The following ZNF341 variants were observed in gnomAD, a reference collection of about 807,000 sequenced individuals.
ZNF341 encodes zinc finger protein 341.
Under a neutral mutation model 87.7 loss-of-function variants are expected in ZNF341, and 52 were observed. The ratio of observed to expected loss-of-function variants is 0.59; its 90% CI spans 0.47 to 0.75. The LOEUF (loss-of-function observed/expected upper bound fraction) is 0.75, where lower values mean the gene tolerates loss of function less well. Among genes scored for constraint, ZNF341 ranks in the 30% least tolerant of loss-of-function variants. The probability of loss-of-function intolerance (pLI) is 0.00; values close to 1 mark genes in which losing one functional copy is unlikely to be tolerated. For synonymous variants in ZNF341, 459 were observed against 472.7 expected (o/e 0.97, Z 0.38); for missense variants, 977 against 1,145.9 (o/e 0.85, Z 2.13).
intron 9 of ZNF341, among the ~76,000 whole-genome samples, chr20:33,769,870 C>G (rs1353851428): frequency 6.6e-6 from 1 of 152,202 alleles, no homozygotes; most frequent in East Asian, 1.9e-4. Context: ...GAGATTGTAC[C>G]ACTGCACTCC....
Position 33,743,647 on chromosome 20 carries a change from G to A in ZNF341, c.143-1456G>A, listed in dbSNP as rs6059446. On this transcript the variant is annotated intron_variant, in intron 2 of 14. Coordinates refer to ENST00000375200, the MANE Select transcript of ZNF341 (RefSeq NM_001282933.2). ...AGTGAGCCACCTCGCCTGGCAACCCGTCTCTTAAAAAAATAAATAAATAAA... is the reference window on the plus strand; with the variant it reads ...AGTGAGCCACCTCGCCTGGCAACCCATCTCTTAAAAAAATAAATAAATAAA... Among the ~76,000 whole-genome samples the A allele has an allele frequency of 2.6e-3, 402 of 151,906 alleles. 5 individuals are homozygous for A. Among genetic ancestry groups the A allele is most frequent in the African/African-American group, 9.4e-3 (389 of 41,446 alleles).
In ZNF341 at chr20:33,766,870, G is replaced by A. The variant is rs149946526; in HGVS notation, c.1242G>A (p.Pro414=). The part of the protein sequence containing the change: ...EESTGLGQPL[P]GAPQPQALST... ...CCACAGGGTTGGGCCAGCCCCTGCCGGGTGCGCCACAGCCCCAGGCCTTGT... is the reference window on the plus strand; with the variant it reads ...CCACAGGGTTGGGCCAGCCCCTGCCAGGTGCGCCACAGCCCCAGGCCTTGT... The change falls in exon 9 of 15, where the codon CCG becomes CCA. Residue 414 remains proline, a synonymous_variant. Coordinates refer to ENST00000375200, the MANE Select transcript of ZNF341 (RefSeq NM_001282933.2). The A allele has an allele frequency of 9.6e-5, 154 of 1,612,050 alleles. No individual in the cohort carries two copies. The African/African-American group carries it at 1.7e-3, about 17-fold the overall frequency.
intron 4 of ZNF341, among the ~76,000 whole-genome samples, chr20:33,751,854 C>T (rs2122660298): frequency 6.6e-6 from 1 of 152,232 alleles, no homozygotes; most frequent in Non-Finnish European, 1.5e-5. Flanking sequence ...CAGGTGTTAG[C>T]CGCTGCACCA....
chr20:33,732,490 C>T lies in ZNF341; in HGVS notation c.31+438C>T, dbSNP rs1160143289. On this transcript the variant is annotated intron_variant, in intron 1 of 14. Coordinates refer to ENST00000375200, the MANE Select transcript of ZNF341 (RefSeq NM_001282933.2). This position sits in a 1 kb window ranked among gnomAD's most constrained non-coding sequence, Gnocchi z 4.5. ...GCGGCCTGACCACGAAGAACTTCTGCGGAGCGGACTGTATGCCTCGTGCTA... is the reference window on the plus strand; with the variant it reads ...GCGGCCTGACCACGAAGAACTTCTGTGGAGCGGACTGTATGCCTCGTGCTA... Among the ~76,000 whole-genome samples, 1 of 152,196 alleles carries T rather than the reference C, an allele frequency of 6.6e-6. No homozygotes were observed. Among genetic ancestry groups the T allele is most frequent in the Non-Finnish European group, 1.5e-5 (1 of 68,020 alleles).
chr20:33,767,804 A>G (rs2019439561), intron 9 of ZNF341, among the ~76,000 whole-genome samples: 1 of 152,172 alleles, frequency 6.6e-6, no homozygotes, highest in Non-Finnish European at 1.5e-5. Context: ...AAGAAATTCA[A>G]AGAAGAAATC....
intron 13 of ZNF341, among the ~76,000 whole-genome samples, chr20:33,789,304 A>G (rs2019946407): frequency 6.6e-6 from 1 of 151,874 alleles, no homozygotes; most frequent in Admixed American, 6.6e-5. Flanking sequence ...CGGCCTCCCA[A>G]AGTGCTGAGA....
chr20:33,776,511 T>C (rs2626561), intron 10 of ZNF341, among the ~76,000 whole-genome samples: 100,915 of 151,910 alleles, frequency 0.66, 35,618 homozygotes, highest in East Asian at 0.94. Flanking sequence ...CTCAGCCTCC[T>C]GAGTAGCTGG....
intron 1 of ZNF341, among the ~76,000 whole-genome samples, chr20:33,733,942 C>T (rs2747545): frequency 0.024 from 3,710 of 152,300 alleles, 154 homozygotes; most frequent in African/African-American, 0.084. Flanking sequence ...TCAGGAAGGC[C>T]GAGGTCAGTG....
intron 5 of ZNF341, 33 bp downstream of exon 5, chr20:33,753,456 T>A (rs1187029734): frequency 1.3e-6 from 2 of 1,544,604 alleles, no homozygotes; most frequent in South Asian, 1.2e-5. Flanking sequence ...AAGAGGACAC[T>A]GGTCATGGAC....
At chr20:33,776,919 C>T (rs1000599729) in intron 10 of ZNF341, among the ~76,000 whole-genome samples, 1 of 152,094 alleles carries the variant, frequency 6.6e-6, no homozygotes, top group Admixed American at 6.6e-5. Context: ...CTGGCCTTCC[C>T]AAAGTGCTGG....
At chr20:33,740,837 G>T in intron 1 of ZNF341, 65 bp from the exon 2 acceptor site, 2 of 1,493,538 alleles carry the variant, frequency 1.3e-6, no homozygotes, top group East Asian at 2.3e-5. Flanking sequence ...GGTCTGGCTT[G>T]TAAGGGTGAT....
rs1314980725 is a variant in ZNF341 at position 33,732,010 on chromosome 20, G to A, written c.-12G>A. 1.4e-6 allele frequency: 2 copies of A among 1,434,578 alleles called. No individual in the cohort carries two copies. The highest frequency in any genetic ancestry group is 1.5e-5 in the African/African-American group (1 of 66,932). 88.9% of individuals were successfully genotyped at this position (1,434,578 alleles called of 1,614,324 possible). A position where few individuals can be genotyped will look rare whatever the true frequency, so the allele number is the denominator to read the frequency against. ...CTTCGGTTCCTGTGGCGGCGACGGC[G>A]GCGGCTCCAAGATGGCGCAGGCGAT... is the stretch of plus-strand genomic sequence containing the variant. On this transcript the variant is annotated 5_prime_UTR_variant, in exon 1 of 15. Transcript: ENST00000375200. The surrounding 1 kb of genome is among the most constrained non-coding windows in gnomAD (Gnocchi z 4.5).
rs750736115 is a variant in ZNF341 at position 33,791,461 on chromosome 20, G to A, written c.2509G>A (p.Ala837Thr). ...GGCTCTGGCGGAGCTGCAGGCTGGG[G>A]CCGAGGGCCCATGTGCCATGCTCGC... ...NLALAELQAG[A>T]EGPCAMLAVP... Residue 837 changes from alanine (A) to threonine (T), a missense_variant, in exon 15 of 15, where the codon GCC becomes ACC. Around this residue, in one of 3 missense-constraint regions of ZNF341, gnomAD observed 221 missense variants for 212.7 expected, o/e 1.04. Coordinates refer to ENST00000375200, the MANE Select transcript of ZNF341 (RefSeq NM_001282933.2). 32 of 1,602,114 alleles carry A rather than the reference G, an allele frequency of 2.0e-5. No individual in the cohort carries two copies. Among genetic ancestry groups the A allele is most frequent in the African/African-American group, 1.9e-4 (14 of 74,868 alleles).
chr20:33,754,965 C>A (rs570500328), intron 5 of ZNF341, among the ~76,000 whole-genome samples: 1 of 152,276 alleles, frequency 6.6e-6, no homozygotes, highest in South Asian at 2.1e-4. Flanking sequence ...TTATTTGAGA[C>A]AGAGTCTCAC....
Position 33,777,456 on chromosome 20 carries a change from G to A in ZNF341, c.1623-3835G>A, listed in dbSNP as rs187002318. ...TCGAGACCAGCCTGGCCAACATGGC[G>A]AAATGCCGTATCTACTAAATTATAA... On this transcript the variant is annotated intron_variant, in intron 10 of 14. Coordinates refer to ENST00000375200, the MANE Select transcript of ZNF341 (RefSeq NM_001282933.2). 1.9e-3 allele frequency among the ~76,000 whole-genome samples: 289 copies of A among 151,634 alleles called. 1 individual carries two copies. The highest frequency in any genetic ancestry group is 6.7e-3 in the African/African-American group (277 of 41,370).
intron 1 of ZNF341, among the ~76,000 whole-genome samples, chr20:33,736,320 C>T (rs1248985026): frequency 6.6e-6 from 1 of 151,928 alleles, no homozygotes; most frequent in East Asian, 1.9e-4. Flanking sequence ...GACGCCTGAC[C>T]TAACCAATCC....
intron 10 of ZNF341, among the ~76,000 whole-genome samples, chr20:33,775,568 A>G (rs2019612142): frequency 6.6e-6 from 1 of 151,036 alleles, no homozygotes; most frequent in Admixed American, 6.6e-5. Context: ...ATACAGTGCA[A>G]TATTGTAAAA....
intron 7 of ZNF341, among the ~76,000 whole-genome samples, chr20:33,760,413 A>G (rs67924663): frequency 0.16 from 24,904 of 152,156 alleles, 2,656 homozygotes; most frequent in East Asian, 0.56. Flanking sequence ...AAAAAACAAC[A>G]AAAAAGAAAT....
chr20:33,774,122 A>C (rs1241613727), intron 10 of ZNF341, among the ~76,000 whole-genome samples: 2 of 148,662 alleles, frequency 1.3e-5, no homozygotes, highest in African/African-American at 2.5e-5. Context: ...TCTACTAAAA[A>C]AAAAAAAAAA....
Sources: allele counts gnomAD v4.1 joint callset (sites outside exome capture counted in the v4.1 genomes callset), GRCh38; gene constraint gnomAD v4.1.1; regional missense constraint gnomAD v4.1.1; non-coding constraint Gnocchi (gnomAD v3.1); transcripts MANE v1.5; gene names NCBI Gene and HGNC (gene_info 2026-07-23, HGNC 2026-07-21).